GRID1: variants seen among roughly 807,000 people sequenced by gnomAD.
The protein encoded by GRID1 is glutamate receptor ionotropic, delta-1.
In GRID1, 28 loss-of-function variants were observed where a neutral mutation model predicts 98.0. That is an observed-to-expected ratio of 0.29 (90% CI 0.21 to 0.39). The LOEUF is 0.39. Ranked by LOEUF, GRID1 falls within the 10% of genes least tolerant of loss-of-function variation. GRID1 has a pLI of 1.00. For missense variants in GRID1, 1,111 were observed against 1,340.5 expected (o/e 0.83, Z 2.67); for synonymous variants, 553 against 538.5 (o/e 1.03, Z -0.37).
At chr10:85,996,840 AAAAGAAAG>A (rs1215091453) in intron 4 of GRID1, among the ~76,000 whole-genome samples, 1 of 151,526 alleles carries the variant, frequency 6.6e-6, no homozygotes, top group African/African-American at 2.4e-5. Context: ...AAAAAAAAAA[AAAAGAAAG>A]AAAGAAAGAA....
At chr10:85,885,483 T>C (rs1841103019) in intron 5 of GRID1, among the ~76,000 whole-genome samples, 1 of 152,228 alleles carries the variant, frequency 6.6e-6, no homozygotes, top group South Asian at 2.1e-4. Flanking sequence ...AAAAATGTGA[T>C]GAATTACTGA....
rs764413563 is a variant in GRID1, at chr10:85,975,902, G to GT, written c.727-59664dup. Among the ~76,000 whole-genome samples, 19 of 152,244 alleles carry GT rather than the reference G, an allele frequency of 1.2e-4. No individual in the cohort carries two copies. In the East Asian group the frequency reaches 3.3e-3, roughly 26 times the overall value. ...TGAAAAATATTAACATATTTATGTG[G>GT]TTTTTCCTTATTATTCTTCCAAAAT... is the stretch of plus-strand genomic sequence containing the variant. On this transcript the variant is annotated intron_variant, in intron 4 of 15. Coordinates refer to ENST00000327946, the MANE Select transcript of GRID1 (RefSeq NM_017551.3).
chr10:86,042,373 G>A (rs1442420238), intron 4 of GRID1, among the ~76,000 whole-genome samples: 3 of 152,206 alleles, frequency 2.0e-5, no homozygotes, highest in African/African-American at 7.2e-5. Context: ...TGAGAGTCAG[G>A]GAAGCCTCTG....
chr10:86,362,665 A>C (rs1848614966), intron 2 of GRID1, among the ~76,000 whole-genome samples: 1 of 151,384 alleles, frequency 6.6e-6, no homozygotes, highest in Non-Finnish European at 1.5e-5. Flanking sequence ...AGAATAGGAG[A>C]CCCCCAGAAT....
intron 2 of GRID1, among the ~76,000 whole-genome samples, chr10:86,222,807 G>T (rs1037364457): frequency 2.6e-5 from 4 of 152,154 alleles, no homozygotes; most frequent in African/African-American, 4.8e-5. Flanking sequence ...CCAGCTGAAG[G>T]GGGGCAGGGC....
chr10:85,867,986 C>T (rs1843237981), intron 6 of GRID1, among the ~76,000 whole-genome samples: 1 of 152,160 alleles, frequency 6.6e-6, no homozygotes, highest in Non-Finnish European at 1.5e-5. Context: ...CCACAAATTC[C>T]CTTCCACAAA....
chr10:85,708,130 A>C lies in GRID1; in HGVS notation c.1997+14873T>G, dbSNP rs567540155. Among the ~76,000 whole-genome samples the C allele has an allele frequency of 4.7e-3, 515 of 110,122 alleles. 5 individuals are homozygous for C. The highest frequency in any genetic ancestry group is 0.025 in the South Asian group (73 of 2,882). The allele number at this position is 110,122 out of a possible 152,430, so 72.2% of individuals were successfully genotyped here. A position where few individuals can be genotyped will look rare whatever the true frequency, so the allele number is the denominator to read the frequency against. On this transcript the variant is annotated intron_variant, in intron 12 of 15. Coordinates refer to ENST00000327946, the MANE Select transcript of GRID1 (RefSeq NM_017551.3). ...AAGTATAATAAAAAAAAAAAAAAAA[A>C]ACACAAGATTAGCCTATAATCCCCA... is the stretch of plus-strand genomic sequence containing the variant.
chr10:86,261,892 G>A (rs1847021241), intron 2 of GRID1, among the ~76,000 whole-genome samples: 1 of 152,240 alleles, frequency 6.6e-6, no homozygotes, highest in South Asian at 2.1e-4. Flanking sequence ...GCACAAGTAT[G>A]TGCTCCATAA....
At chr10:86,340,213 C>T (rs941962709) in intron 2 of GRID1, among the ~76,000 whole-genome samples, 1 of 152,134 alleles carries the variant, frequency 6.6e-6, no homozygotes, top group African/African-American at 2.4e-5. Flanking sequence ...CTCAGACGCC[C>T]AGCTGAGAGT....
chr10:86,334,252 G>A (rs1848193257), intron 2 of GRID1, among the ~76,000 whole-genome samples: 1 of 152,176 alleles, frequency 6.6e-6, no homozygotes, highest in African/African-American at 2.4e-5. Context: ...GGTGGTGAGA[G>A]TATATAATTA....
chr10:86,208,962 T>C (rs1032339857), intron 2 of GRID1, among the ~76,000 whole-genome samples: 1 of 152,116 alleles, frequency 6.6e-6, no homozygotes, highest in Non-Finnish European at 1.5e-5. Flanking sequence ...AGATGAGTGG[T>C]TATGAAAGTG....
At chr10:85,647,551 A>G in intron 12 of GRID1, 154 bp from the exon 13 acceptor site, 1 of 642,980 alleles carries the variant, frequency 1.6e-6, no homozygotes, top group Admixed American at 2.7e-5. Context: ...CAAGTCCTTC[A>G]GCCCAGAGTG....
chr10:85,797,697 C>A (rs540947833), intron 8 of GRID1, among the ~76,000 whole-genome samples: 3 of 151,824 alleles, frequency 2.0e-5, no homozygotes, highest in South Asian at 4.2e-4. Context: ...GTGATCCACC[C>A]GCCTTGGCCT....
intron 2 of GRID1, among the ~76,000 whole-genome samples, chr10:86,287,991 C>T (rs1847459540): frequency 1.3e-5 from 2 of 152,122 alleles, no homozygotes; most frequent in South Asian, 4.1e-4. Flanking sequence ...ACCCTTCAAG[C>T]CTGCCCAGCC....
chr10:85,893,280 T>C (rs904467041), intron 5 of GRID1, among the ~76,000 whole-genome samples: 2 of 152,188 alleles, frequency 1.3e-5, no homozygotes, highest in African/African-American at 2.4e-5. Context: ...AACATCATCA[T>C]TAATGATAAA....
intron 4 of GRID1, among the ~76,000 whole-genome samples, chr10:86,054,915 G>A (rs1037784407): frequency 4.6e-5 from 7 of 152,156 alleles, no homozygotes; most frequent in South Asian, 2.1e-4. Context: ...AGAATGAGGC[G>A]GAAGTGACGT....
chr10:86,304,784 G>C (rs1451178076), intron 2 of GRID1, among the ~76,000 whole-genome samples: 1 of 152,228 alleles, frequency 6.6e-6, no homozygotes, highest in Non-Finnish European at 1.5e-5. Context: ...CAGAGAAGCA[G>C]GGGTTAGAAC....
At chr10:86,013,910 A>T (rs1842949267) in intron 4 of GRID1, among the ~76,000 whole-genome samples, 1 of 152,182 alleles carries the variant, frequency 6.6e-6, no homozygotes, top group Admixed American at 6.5e-5. Context: ...GTCAGAATGT[A>T]CTCTGCAGAA....
chr10:85,678,931 C>T lies in GRID1; in HGVS notation c.1998-31534G>A, dbSNP rs570181586. Among the ~76,000 whole-genome samples the T allele has an allele frequency of 3.6e-4, 55 of 152,322 alleles. 1 individual carries two copies. Among genetic ancestry groups the T allele is most frequent in the Admixed American group, 1.9e-3 (29 of 15,302 alleles). On this transcript the variant is annotated intron_variant, in intron 12 of 15. Transcript: ENST00000327946. ...AATGGATAAAGGAGAGGGAACTAAA[C>T]TCAGCCAAGTCCCACGCTGCTGCTT...
Sources: allele counts gnomAD v4.1 joint callset (sites outside exome capture counted in the v4.1 genomes callset), GRCh38; gene constraint gnomAD v4.1.1; transcripts MANE v1.5; gene names NCBI Gene and HGNC (gene_info 2026-07-23, HGNC 2026-07-21).